The following SLC7A14 variants were observed in gnomAD, a reference collection of about 807,000 sequenced individuals.
The protein encoded by SLC7A14 is solute carrier family 7 member 14, also known as gamma-aminobutyric acid transporter SLC7A14.
A neutral mutation model predicts 60.2 loss-of-function variants in SLC7A14; 37 were observed. The ratio of observed to expected loss-of-function variants is 0.61; its 90% CI spans 0.47 to 0.81. The LOEUF is 0.81. Among genes scored for constraint, SLC7A14 ranks in the 30% least tolerant of loss-of-function variants. The probability of loss-of-function intolerance (pLI) is 0.00; values close to 1 mark genes in which losing one functional copy is unlikely to be tolerated. For missense variants in SLC7A14, 886 were observed against 982.7 expected, an observed-to-expected ratio of 0.90 and a Z score of 1.32; for synonymous variants, 399 against 395.8, an observed-to-expected ratio of 1.01 and a Z score of -0.10.
intron 1 of SLC7A14, among the ~76,000 whole-genome samples, chr3:170,540,930 A>G (rs1459615560): frequency 6.6e-6 from 1 of 152,238 alleles, no homozygotes; most frequent in East Asian, 1.9e-4. Flanking sequence ...TAAATATTCA[A>G]TAATATGTAA....
At chr3:170,577,717 C>T (rs1715137475) in intron 1 of SLC7A14, among the ~76,000 whole-genome samples, 1 of 150,746 alleles carries the variant, frequency 6.6e-6, no homozygotes, top group African/African-American at 2.4e-5. Context: ...GGATATGTAG[C>T]TAGTTTAACA....
At chr3:170,484,048 C>T (rs566658369) in intron 5 of SLC7A14, among the ~76,000 whole-genome samples, 1 of 152,328 alleles carries the variant, frequency 6.6e-6, no homozygotes, top group Non-Finnish European at 1.5e-5. Context: ...AGCCTATTAA[C>T]TGTTGGGACC....
intron 1 of SLC7A14, among the ~76,000 whole-genome samples, chr3:170,531,599 G>A (rs1474930393): frequency 1.3e-5 from 2 of 152,146 alleles, no homozygotes; most frequent in Non-Finnish European, 2.9e-5. Context: ...TTTCTTGGTA[G>A]GAAATGTACT....
At chr3:170,467,495 C>CGGGGGGGGGG in intron 7 of SLC7A14, 118 bp from the exon 8 acceptor site, 1 of 143,202 alleles carries the variant, frequency 7.0e-6, no homozygotes, top group Non-Finnish European at 1.4e-5. Context: ...GCGGTGGGGG[C>CGGGGGGGGGG]GGGGATGTAT....
At chr3:170,584,734 G>A (rs1715331119) in intron 1 of SLC7A14, among the ~76,000 whole-genome samples, 1 of 152,164 alleles carries the variant, frequency 6.6e-6, no homozygotes, top group South Asian at 2.1e-4. Flanking sequence ...GCCATTCCCT[G>A]CACTCAGTCG....
intron 1 of SLC7A14, among the ~76,000 whole-genome samples, chr3:170,559,841 A>G (rs1257693308): frequency 6.6e-6 from 1 of 152,252 alleles, no homozygotes; most frequent in Non-Finnish European, 1.5e-5. Flanking sequence ...TAGCAACTAA[A>G]TAAAACCAAA....
rs1012868421 is a variant in SLC7A14, at chr3:170,460,872, T to C, written c.*6183A>G. Reference sequence around the variant, plus strand: ...CCCAAAGCTATCTGTGAAAGTCCTATAGGGATTTTGTAATTCTGTGTGTGC... The same window carrying C: ...CCCAAAGCTATCTGTGAAAGTCCTACAGGGATTTTGTAATTCTGTGTGTGC... On this transcript the variant is annotated 3_prime_UTR_variant, in exon 8 of 8. Coordinates refer to ENST00000231706, the MANE Select transcript of SLC7A14 (RefSeq NM_020949.3). The C allele has an allele frequency of 6.6e-6, 1 of 152,220 alleles. No homozygotes were observed. Among genetic ancestry groups the C allele is most frequent in the African/African-American group, 2.4e-5 (1 of 41,462 alleles). 9.4% of individuals were successfully genotyped at this position (152,220 alleles called of 1,614,324 possible).
chr3:170,554,253 C>A (rs1714429553), intron 1 of SLC7A14, among the ~76,000 whole-genome samples: 1 of 152,202 alleles, frequency 6.6e-6, no homozygotes, highest in African/African-American at 2.4e-5. Context: ...GATACTATTA[C>A]ATCTTCCACT....
At chr3:170,567,673 G>T (rs201764766) in intron 1 of SLC7A14, among the ~76,000 whole-genome samples, 5 of 151,262 alleles carry the variant, frequency 3.3e-5, no homozygotes, top group East Asian at 1.9e-4. Flanking sequence ...AGCACCTGTT[G>T]TTTCCTGACT....
Position 170,460,659 on chromosome 3 carries a change from G to A in SLC7A14, c.*6396C>T, listed in dbSNP as rs369124320. 2.8e-4 allele frequency: 43 copies of A among 151,650 alleles called. No individual in the cohort carries two copies. In the Middle Eastern group the frequency reaches 0.01, roughly 36 times the overall value. The allele number at this position is 151,650 out of a possible 1,614,324, so 9.4% of individuals were successfully genotyped here. A position where few individuals can be genotyped will look rare whatever the true frequency, so the allele number is the denominator to read the frequency against. ...ACAATTCCCTTTAGCCAATGTTACC[G>A]AAGTCAGTGTCAAGAAAACTTAACA... On this transcript the variant is annotated 3_prime_UTR_variant, in exon 8 of 8. Transcript: ENST00000231706.
intron 2 of SLC7A14, among the ~76,000 whole-genome samples, chr3:170,511,994 C>T (rs954383107): frequency 3.9e-5 from 6 of 152,186 alleles, no homozygotes; most frequent in Non-Finnish European, 8.8e-5. Context: ...ACTAAAAAGG[C>T]TTTGTGCAGA....
In SLC7A14 at chr3:170,480,934, T is replaced by C. The variant is rs1711792445; in HGVS notation, c.1348A>G (p.Lys450Glu). Residue 450 changes from lysine (K) to glutamate (E), a missense_variant, in exon 7 of 8, where the codon AAG (lysine) becomes GAG (glutamate). Lys to Glu is a moderately conservative substitution (Grantham distance 56). Coordinates refer to ENST00000231706, the MANE Select transcript of SLC7A14 (RefSeq NM_020949.3). ...TCAGCCAGAATGCCCTCCTTCTTCT[T>C]GGTGTGCTCCTCAGACAAGAACTTG... Reference protein sequence around the residue: ...FVKFLSEEHTKKKEGILADCE... With the variant: ...FVKFLSEEHTEKKEGILADCE... 1 of 1,613,892 alleles carries C rather than the reference T, an allele frequency of 6.2e-7. No individual in the cohort carries two copies.
chr3:170,526,644 G>A lies in SLC7A14; in HGVS notation c.293C>T (p.Ser98Phe). ...IVSFIIAAVASILSGVCYAEF... is the reference protein window; with the variant it reads ...IVSFIIAAVAFILSGVCYAEF... ...ATGGAGACACTTACCTGATAATATG[G>A]ATGCGACGGCTGCAATGATGAAGGA... is the stretch of plus-strand genomic sequence containing the variant. Residue 98 changes from serine to phenylalanine, a missense_variant, in exon 2 of 8, where the codon TCC (serine) becomes TTC (phenylalanine). By Grantham distance (155) the Ser-to-Phe change is radical (BLOSUM62 -2). Transcript: ENST00000231706. 6.2e-7 allele frequency: 1 copy of A among 1,614,026 alleles called. No homozygotes were observed. Among genetic ancestry groups the A allele is most frequent in the Non-Finnish European group, 8.5e-7 (1 of 1,180,010 alleles).
intron 2 of SLC7A14, among the ~76,000 whole-genome samples, chr3:170,525,857 G>A (rs1713478619): frequency 6.6e-6 from 1 of 152,112 alleles, no homozygotes; most frequent in Non-Finnish European, 1.5e-5. Context: ...CAAAGTGCGG[G>A]GTCAGGAGTA....
At chr3:170,551,901 T>G (rs1385654731) in intron 1 of SLC7A14, among the ~76,000 whole-genome samples, 3 of 152,220 alleles carry the variant, frequency 2.0e-5, no homozygotes, top group African/African-American at 4.8e-5. Context: ...AGTGCAAAAG[T>G]TTTTTGGATT....
chr3:170,549,545 A>G (rs1714281755), intron 1 of SLC7A14, among the ~76,000 whole-genome samples: 1 of 152,134 alleles, frequency 6.6e-6, no homozygotes, highest in South Asian at 2.1e-4. Flanking sequence ...CCTCTCTGCA[A>G]TCCAGGCTGC....
chr3:170,549,624 G>A (rs1714284054), intron 1 of SLC7A14, among the ~76,000 whole-genome samples: 1 of 152,162 alleles, frequency 6.6e-6, no homozygotes, highest in African/African-American at 2.4e-5. Context: ...TGACACTTAT[G>A]ACCGCAGAAA....
intron 1 of SLC7A14, among the ~76,000 whole-genome samples, chr3:170,573,501 C>T (rs1715005315): frequency 6.6e-6 from 1 of 152,104 alleles, no homozygotes; most frequent in Admixed American, 6.5e-5. Flanking sequence ...GAGAATTAGG[C>T]CCAGGAGTTC....
intron 1 of SLC7A14, among the ~76,000 whole-genome samples, chr3:170,574,216 A>ATC (rs1157065325): frequency 2.6e-5 from 4 of 152,208 alleles, no homozygotes; most frequent in Admixed American, 1.3e-4. Context: ...ATTCCTGAGA[A>ATC]GTTATGTATA....
Sources: gnomAD v4.1 joint callset for allele counts (sites outside exome capture counted in the v4.1 genomes callset) on GRCh38, gnomAD v4.1.1 for gene constraint, MANE v1.5 for transcripts, NCBI Gene and HGNC (gene_info 2026-07-23, HGNC 2026-07-21) for gene names.